NR4A1: variants seen among roughly 807,000 people sequenced by gnomAD.
NR4A1 encodes the protein nuclear receptor subfamily 4immunitygroup A member 1.
A neutral mutation model predicts 47.5 loss-of-function variants in NR4A1; 24 were observed. The observed-to-expected ratio is 0.50, with a 90% CI of 0.37 to 0.71. The LOEUF is 0.71. Among genes scored for constraint, NR4A1 ranks in the 30% least tolerant of loss-of-function variants. The pLI is 0.00. For missense variants in NR4A1, 669 were observed against 788.6 expected (o/e 0.85, Z 1.82); for synonymous variants, 353 against 345.7 (o/e 1.02, Z -0.24).
chr12:52,046,182 G>A (rs539822016), intron 2 of NR4A1, among the ~76,000 whole-genome samples: 1 of 152,186 alleles, frequency 6.6e-6, no homozygotes, highest in African/African-American at 2.4e-5. Context: ...GTGGGAAAAG[G>A]GCTGTGTAAT....
At chr12:52,046,986 A>G (rs1444637370), upstream of NR4A1, among the ~76,000 whole-genome samples, 2 of 151,916 alleles carry the variant, frequency 1.3e-5, no homozygotes, top group Non-Finnish European at 2.9e-5. Flanking sequence ...TCGGTGGGGA[A>G]CTGCGGTGAT....
chr12:52,052,423 C>T, intron 1 of NR4A1: 1 of 957,908 alleles, frequency 1.0e-6, no homozygotes, highest in Non-Finnish European at 1.2e-6. Flanking sequence ...GAGGATACCT[C>T]CCAACCATTC....
At chr12:52,031,704 G>A (rs571600673) in intron 1 of NR4A1, among the ~76,000 whole-genome samples, 3 of 151,628 alleles carry the variant, frequency 2.0e-5, no homozygotes, top group South Asian at 2.1e-4. Flanking sequence ...CATCCCTTGC[G>A]AAAATTACAG....
At chr12:52,031,778 ATTTTTTTTT>A (rs61279135) in intron 1 of NR4A1, among the ~76,000 whole-genome samples, 1 of 125,876 alleles carries the variant, frequency 7.9e-6, no homozygotes, top group Non-Finnish European at 1.6e-5. Context: ...GTGATGGTTA[ATTTTTTTTT>A]TTTTTTTTTT....
At chr12:52,026,365 TAAC>T (rs1478121249) in intron 1 of NR4A1, among the ~76,000 whole-genome samples, 4 of 152,194 alleles carry the variant, frequency 2.6e-5, no homozygotes, top group Admixed American at 1.3e-4. Context: ...AAGTTAAAAA[TAAC>T]AACTACCTTT....
At chr12:52,043,649 C>T (rs1198854387) in intron 2 of NR4A1, 12 of 1,183,530 alleles carry the variant, frequency 1.0e-5, no homozygotes, top group East Asian at 5.8e-5. Flanking sequence ...CAAAGTGGCT[C>T]CCCCCATCCC....
In NR4A1 at chr12:52,054,760, C is replaced by T. The variant is rs1261145542; in HGVS notation, c.432C>T (p.Pro144=). The T allele has an allele frequency of 6.2e-7, 1 of 1,612,602 alleles. No homozygotes were observed. ...GCTCGGCCCCGTCGCCCTCCACGCCCAGCTTCCAGCCGCCCCAGCTCTCTC... is the reference window on the plus strand; with the variant it reads ...GCTCGGCCCCGTCGCCCTCCACGCCTAGCTTCCAGCCGCCCCAGCTCTCTC... The part of the protein sequence containing the change: ...SPCSAPSPST[P]SFQPPQLSPW... Residue 144 remains proline (P), a synonymous_variant, in exon 2 of 7, where the codon CCC becomes CCT. Transcript: ENST00000394825.
intron 1 of NR4A1, among the ~76,000 whole-genome samples, chr12:52,039,455 G>A (rs1210201674): frequency 6.6e-6 from 1 of 152,226 alleles, no homozygotes; most frequent in Non-Finnish European, 1.5e-5. Flanking sequence ...TGGGATCCAG[G>A]GCTGGGGACT....
chr12:52,033,895 C>T (rs972078849), intron 1 of NR4A1, among the ~76,000 whole-genome samples: 2 of 152,246 alleles, frequency 1.3e-5, no homozygotes, highest in African/African-American at 4.8e-5. Context: ...AGCCCCTTCT[C>T]TGCCCAAATG....
chr12:52,056,430 G>A (rs907202659), intron 3 of NR4A1, 64 bp from the exon 4 acceptor site: 35 of 1,581,954 alleles, frequency 2.2e-5, no homozygotes, highest in Admixed American at 1.7e-4. Context: ...TGGTGTGCAC[G>A]GCTTGGGCTG....
chr12:52,055,431 AGG>A, intron 2 of NR4A1: 1 of 623,854 alleles, frequency 1.6e-6, no homozygotes, highest in East Asian at 2.7e-5. Flanking sequence ...ACAGAGCTGG[AGG>A]GAGGGGTGAG....
intron 1 of NR4A1, among the ~76,000 whole-genome samples, chr12:52,052,962 C>T (rs1258112456): frequency 6.6e-6 from 1 of 152,100 alleles, no homozygotes; most frequent in Non-Finnish European, 1.5e-5. Context: ...GTGGAGGTGC[C>T]CTGTTCAGGG....
intron 6 of NR4A1, 143 bp downstream of exon 6, chr12:52,057,673 C>A: frequency 1.1e-6 from 1 of 893,498 alleles, no homozygotes; most frequent in Non-Finnish European, 1.7e-6. Flanking sequence ...CTCATGCCAG[C>A]AGTAAAGTAG....
At chr12:52,025,172 G>C (rs1185869204) in intron 1 of NR4A1, among the ~76,000 whole-genome samples, 1 of 150,792 alleles carries the variant, frequency 6.6e-6, no homozygotes, top group Non-Finnish European at 1.5e-5. Flanking sequence ...TGATTCTCCT[G>C]CCTCAGTCTC....
At chr12:52,041,992 G>A in intron 2 of NR4A1, 2 of 1,266,656 alleles carry the variant, frequency 1.6e-6, no homozygotes, top group East Asian at 3.1e-5. Context: ...GGGCAGAGGT[G>A]GGGGTGGAGC....
At chr12:52,049,220 TA>T (rs1388338797), upstream of NR4A1, among the ~76,000 whole-genome samples, 15 of 152,172 alleles carry the variant, frequency 9.9e-5, no homozygotes, top group Non-Finnish European at 8.8e-5. Flanking sequence ...CTGTAGATAC[TA>T]AAAGTCGGCC....
chr12:52,023,602 G>A (rs1748068668), intron 1 of NR4A1, among the ~76,000 whole-genome samples: 1 of 151,812 alleles, frequency 6.6e-6, no homozygotes. Context: ...CGCAGACACG[G>A]GCGCCTCTGC....
At chr12:52,050,166 G>A (rs1938851901), upstream of NR4A1, among the ~76,000 whole-genome samples, 1 of 152,180 alleles carries the variant, frequency 6.6e-6, no homozygotes, top group South Asian at 2.1e-4. Flanking sequence ...GATCAGGGTG[G>A]AAGGGTGACG....
chr12:52,058,616 G>A (rs1939394322), intron 6 of NR4A1, 72 bp from the exon 7 acceptor site: 1 of 1,456,892 alleles, frequency 6.9e-7, no homozygotes, highest in Non-Finnish European at 9.1e-7. Flanking sequence ...GCAGTTTTAG[G>A]GGCCTGGGGG....
Sources: gnomAD v4.1 joint callset for allele counts (sites outside exome capture counted in the v4.1 genomes callset) on GRCh38, gnomAD v4.1.1 for gene constraint, MANE v1.5 for transcripts, NCBI Gene and HGNC (gene_info 2026-07-23, HGNC 2026-07-21) for gene names.